Variants in SYTL5 observed in about 807,000 individuals in gnomAD.
SYTL5 encodes synaptotagmin-like protein 5.
SYTL5 carries 34 observed loss-of-function variants against 55.9 expected under a neutral mutation model. The ratio of observed to expected loss-of-function variants is 0.61; its 90% CI spans 0.46 to 0.81. SYTL5 has a LOEUF of 0.81. Among genes scored for constraint, SYTL5 ranks in the 30% least tolerant of loss-of-function variants. The probability of loss-of-function intolerance (pLI) is 0.00; values close to 1 mark genes in which losing one functional copy is unlikely to be tolerated. For synonymous variants in SYTL5, 221 were observed against 188.7 expected (o/e 1.17, Z -1.40); for missense variants, 637 against 546.7 (o/e 1.17, Z -1.65).
chrX:38,008,427 A>G (rs1034830837), intron 1 of SYTL5, among the ~76,000 whole-genome samples: 1 of 111,169 alleles, frequency 9.0e-6, no homozygotes, highest in Non-Finnish European at 1.9e-5. Context: ...TACATCTTCC[A>G]TCTTGCTTAG....
chrX:38,067,169 T>G (rs766853059), intron 3 of SYTL5, among the ~76,000 whole-genome samples: 1 of 111,737 alleles, frequency 8.9e-6, no homozygotes, highest in Admixed American at 9.5e-5. Flanking sequence ...AGACTTATAG[T>G]TATTATTCTC....
chrX:37,980,209 G>T, the SYTL5 span, among the ~76,000 whole-genome samples: 3 of 112,068 alleles, frequency 2.7e-5, no homozygotes, highest in Non-Finnish European at 3.8e-5. Flanking sequence ...GTGTTTTTCA[G>T]ACCACTGGAT....
intron 13 of SYTL5, among the ~76,000 whole-genome samples, chrX:38,118,715 T>C (rs1176242372): frequency 9.0e-6 from 1 of 111,046 alleles, no homozygotes; most frequent in Admixed American, 9.6e-5. Context: ...TTTTCCCCAA[T>C]GGTAACCTAT....
At chrX:38,070,748 A>G (rs1185077757) in intron 3 of SYTL5, among the ~76,000 whole-genome samples, 1 of 111,889 alleles carries the variant, frequency 8.9e-6, no homozygotes, top group Non-Finnish European at 1.9e-5. Flanking sequence ...TTTTGGGACA[A>G]TAGTGCTCAC....
chrX:37,990,787 A>C, the SYTL5 span: 415 of 1,143,961 alleles, frequency 3.6e-4, no homozygotes, highest in South Asian at 1.6e-3. Context: ...TCAGAGACCT[A>C]CTTGAGCTAG....
the SYTL5 span, among the ~76,000 whole-genome samples, chrX:37,956,126 T>C: frequency 8.9e-6 from 1 of 112,243 alleles, no homozygotes; most frequent in Non-Finnish European, 1.9e-5. Flanking sequence ...GCAGAAACTA[T>C]TGTGGCCAGA....
the SYTL5 span, among the ~76,000 whole-genome samples, chrX:37,989,685 C>A: frequency 9.0e-6 from 1 of 111,120 alleles, no homozygotes. Flanking sequence ...TGTAAATGAA[C>A]CAAAGTCAAA....
At chrX:38,056,839 T>A (rs1309942381) in intron 3 of SYTL5, among the ~76,000 whole-genome samples, 2 of 111,942 alleles carry the variant, frequency 1.8e-5, no homozygotes, top group Non-Finnish European at 3.8e-5. Context: ...ATTATTAGAT[T>A]TTTTGTAGAG....
chrX:37,916,074 T>G, the SYTL5 span, among the ~76,000 whole-genome samples: 1 of 111,556 alleles, frequency 9.0e-6, no homozygotes, highest in African/African-American at 3.3e-5. Flanking sequence ...CTTTTCAATT[T>G]TCTGCAGACA....
chrX:38,067,110 T>C (rs896509698), intron 3 of SYTL5, among the ~76,000 whole-genome samples: 1 of 111,877 alleles, frequency 8.9e-6, no homozygotes, highest in Non-Finnish European at 1.9e-5. Flanking sequence ...TGGTATTTTC[T>C]CTGAAATGAC....
Position 38,029,027 on chromosome X carries a change from C to T in SYTL5, c.-356-4507C>T, listed in dbSNP as rs189733040. On this transcript the variant is annotated intron_variant, in intron 1 of 16. Transcript: ENST00000297875. ...AATAAAACTTTATAGATACATCTAA[C>T]CAATTTTAATATTTGACCATAAGGT... Among the ~76,000 whole-genome samples the T allele has an allele frequency of 2.7e-5, 3 of 111,999 alleles. No homozygotes were observed. In the Admixed American group the frequency reaches 2.8e-4, roughly 11 times the overall value.
At chrX:38,102,948 A>G in intron 10 of SYTL5, 1 of 722,747 alleles carries the variant, frequency 1.4e-6, no homozygotes, top group Non-Finnish European at 2.1e-6. Context: ...AACTGTGTGT[A>G]AGTCTTTTTC....
At chrX:37,991,233 T>C in the SYTL5 span, 1 of 1,173,050 alleles carries the variant, frequency 8.5e-7, no homozygotes, top group Non-Finnish European at 1.1e-6. Context: ...CTCACAGGCT[T>C]AGCCAGGGCA....
chrX:37,990,781 A>C, the SYTL5 span: 1 of 1,140,706 alleles, frequency 8.8e-7, no homozygotes, highest in South Asian at 2.1e-5. Context: ...GTGTCCTCAG[A>C]GACCTACTTG....
chrX:37,896,928 A>T, the SYTL5 span, among the ~76,000 whole-genome samples: 135 of 112,407 alleles, frequency 1.2e-3, no homozygotes, highest in Non-Finnish European at 1.7e-3. Context: ...TAGAGCACAG[A>T]GGGAGGAAGT....
At chrX:37,982,271 T>TTA in the SYTL5 span, among the ~76,000 whole-genome samples, 5 of 111,680 alleles carry the variant, frequency 4.5e-5, no homozygotes, top group Non-Finnish European at 9.4e-5. Flanking sequence ...GATTTGAGAG[T>TTA]TATAATAACT....
the SYTL5 span, among the ~76,000 whole-genome samples, chrX:37,911,767 G>GAT: frequency 2.9e-3 from 320 of 109,932 alleles, 2 homozygotes; most frequent in African/African-American, 0.01. Context: ...TAGAAAATTT[G>GAT]ATATATATAT....
chrX:38,084,755 T>C (rs959126633), intron 6 of SYTL5, among the ~76,000 whole-genome samples: 1 of 111,274 alleles, frequency 9.0e-6, no homozygotes, highest in Non-Finnish European at 1.9e-5. Flanking sequence ...TATTTTTGAC[T>C]TTGTGGTCCA....
At chrX:38,057,862 A>C (rs1935836641) in intron 3 of SYTL5, among the ~76,000 whole-genome samples, 1 of 111,146 alleles carries the variant, frequency 9.0e-6, no homozygotes, top group Non-Finnish European at 1.9e-5. Context: ...TTGGTTACCT[A>C]TATTGCAGAT....
Sources: gnomAD v4.1 joint callset for allele counts (sites outside exome capture counted in the v4.1 genomes callset) on GRCh38, gnomAD v4.1.1 for gene constraint, MANE v1.5 for transcripts, NCBI Gene and HGNC (gene_info 2026-07-23, HGNC 2026-07-21) for gene names.